INPP5A: variants seen among roughly 807,000 people sequenced by gnomAD.
INPP5A encodes the protein 43 kDa inositol polyphosphate 5-phophatase.
INPP5A carries 14 observed loss-of-function variants against 65.2 expected under a neutral mutation model. The observed-to-expected ratio is 0.21, with a 90% CI of 0.14 to 0.34. INPP5A has a LOEUF of 0.34. INPP5A is among the 10% of genes least tolerant of loss of function. The pLI is 1.00. For missense variants in INPP5A, 431 were observed against 545.6 expected, an observed-to-expected ratio of 0.79 and a Z score of 2.09; for synonymous variants, 207 against 208.3, an observed-to-expected ratio of 0.99 and a Z score of 0.05.
rs1846443232 is a variant in INPP5A, at chr10:132,749,898, C to G, written c.903+53C>G. The G allele has an allele frequency of 1.2e-5, 18 of 1,462,164 alleles. No homozygotes were observed. In the South Asian group the frequency reaches 2.0e-4, roughly 17 times the overall value. 90.6% of individuals were successfully genotyped at this position (1,462,164 alleles called of 1,614,324 possible). On this transcript the variant is annotated intron_variant, in intron 11 of 15. Transcript: ENST00000368594. ...CCCCCGTCCTGGGACATCCACGCCC[C>G]CAGGCCTTCCCATTACCTCTGCTTA...
chr10:132,719,393 C>T (rs1202445895), intron 8 of INPP5A, among the ~76,000 whole-genome samples: 1 of 148,318 alleles, frequency 6.7e-6, no homozygotes, highest in East Asian at 2.0e-4. Context: ...TTCTGTGGTA[C>T]CTGGGTTCTG....
intron 1 of INPP5A, among the ~76,000 whole-genome samples, chr10:132,568,217 G>T (rs1307258622): frequency 1.3e-5 from 2 of 150,762 alleles, no homozygotes; most frequent in African/African-American, 2.4e-5. Context: ...AAAAAAATTG[G>T]CTGAAACACC....
At chr10:132,760,082 C>T (rs762844574) in intron 11 of INPP5A, among the ~76,000 whole-genome samples, 3 of 152,244 alleles carry the variant, frequency 2.0e-5, no homozygotes, top group Admixed American at 6.5e-5. Flanking sequence ...GTGCTCTGCT[C>T]TCTGAAGCTA....
At chr10:132,720,589 C>T (rs1467130625) in intron 8 of INPP5A, among the ~76,000 whole-genome samples, 1 of 149,152 alleles carries the variant, frequency 6.7e-6, no homozygotes, top group African/African-American at 2.5e-5. Flanking sequence ...TCTGTCTGGG[C>T]ACCTTAGACG....
At chr10:132,772,694 G>A (rs866785831) in intron 12 of INPP5A, among the ~76,000 whole-genome samples, 11 of 81,700 alleles carry the variant, frequency 1.3e-4, no homozygotes, top group Admixed American at 4.5e-4. Context: ...AGAGTGGGAC[G>A]GACACTCAGC....
At position 132,704,982 on chromosome 10, in the gene INPP5A, A is replaced by G. The variant is rs911746445; in HGVS notation, c.475-3331A>G. 4.0e-5 allele frequency among the ~76,000 whole-genome samples: 6 copies of G among 150,834 alleles called. No homozygotes were observed. Among genetic ancestry groups the G allele is most frequent in the East Asian group, 2.0e-4 (1 of 5,062 alleles). ...AAGGGCGTCTGGACAGGCGGCAGGCAGCTCCTCTGGAGTGTGGAGGATGGA... is the reference window on the plus strand; with the variant it reads ...AAGGGCGTCTGGACAGGCGGCAGGCGGCTCCTCTGGAGTGTGGAGGATGGA... On this transcript the variant is annotated intron_variant, in intron 6 of 15. Coordinates refer to ENST00000368594, the MANE Select transcript of INPP5A (RefSeq NM_005539.5). This position sits in a 1 kb window ranked among gnomAD's most constrained non-coding sequence, Gnocchi z 4.5.
At chr10:132,632,019 C>T (rs558019471) in intron 2 of INPP5A, among the ~76,000 whole-genome samples, 14 of 152,334 alleles carry the variant, frequency 9.2e-5, no homozygotes, top group South Asian at 2.1e-4. Context: ...AGCTCAGACT[C>T]GTGGGTGGAG....
rs539112759 is a variant in INPP5A, at chr10:132,783,381, C to G, written c.*1352C>G. ...GGTTGCCGCTGTCCGCGGTTCAACA[C>G]GGAGTCCGCCCCGCGGGTTTCAGCT... On this transcript the variant is annotated 3_prime_UTR_variant, in exon 16 of 16. Transcript: ENST00000368594. The G allele has an allele frequency of 1.7e-4, 26 of 152,488 alleles. No homozygotes were observed. Among genetic ancestry groups the G allele is most frequent in the African/African-American group, 5.5e-4 (23 of 41,572 alleles). 9.4% of individuals were successfully genotyped at this position (152,488 alleles called of 1,614,324 possible). A position where few individuals can be genotyped will look rare whatever the true frequency, so the allele number is the denominator to read the frequency against.
chr10:132,660,481 G>T (rs902913410), intron 4 of INPP5A, among the ~76,000 whole-genome samples: 1 of 152,200 alleles, frequency 6.6e-6, no homozygotes, highest in South Asian at 2.1e-4. Flanking sequence ...GACTCCTTCT[G>T]TTGATGGTGA....
intron 4 of INPP5A, among the ~76,000 whole-genome samples, chr10:132,673,301 C>G (rs2072917897): frequency 6.6e-6 from 1 of 152,208 alleles, no homozygotes; most frequent in Non-Finnish European, 1.5e-5. Flanking sequence ...GTTGCAGGAA[C>G]AGGAAGCAAA....
intron 1 of INPP5A, among the ~76,000 whole-genome samples, chr10:132,606,792 G>T (rs1295217509): frequency 1.3e-5 from 2 of 152,236 alleles, no homozygotes; most frequent in Admixed American, 1.3e-4. Flanking sequence ...AGGGGCTTTA[G>T]TCCCGATGGG....
intron 2 of INPP5A, among the ~76,000 whole-genome samples, chr10:132,619,619 C>T (rs2072085552): frequency 6.6e-6 from 1 of 152,206 alleles, no homozygotes; most frequent in Non-Finnish European, 1.5e-5. Flanking sequence ...TTGACACTGC[C>T]CCTATAGAGG....
chr10:132,746,956 G>A (rs1268809638), intron 9 of INPP5A, among the ~76,000 whole-genome samples: 1 of 152,240 alleles, frequency 6.6e-6, no homozygotes, highest in Non-Finnish European at 1.5e-5. Context: ...CAGCTCTGGG[G>A]AGGGGTTTGG....
chr10:132,649,454 GTT>G (rs1564948888), intron 3 of INPP5A, among the ~76,000 whole-genome samples: 1 of 152,228 alleles, frequency 6.6e-6, no homozygotes, highest in Non-Finnish European at 1.5e-5. Flanking sequence ...CATTGCGAAT[GTT>G]ACGTTGTTTA....
Position 132,607,896 on chromosome 10 carries a change from T to C in INPP5A, c.76-19T>C, listed in dbSNP as rs752015579. ...TGCCATTGGTCTGACTGGCTTTTCTTTTTCTTCTTAATTTACAGCCAGAAA... is the reference window on the plus strand; with the variant it reads ...TGCCATTGGTCTGACTGGCTTTTCTCTTTCTTCTTAATTTACAGCCAGAAA... On this transcript the variant is annotated intron_variant, in intron 1 of 15. Coordinates refer to ENST00000368594, the MANE Select transcript of INPP5A (RefSeq NM_005539.5). The C allele has an allele frequency of 6.2e-7, 1 of 1,605,916 alleles. No individual in the cohort carries two copies. Among genetic ancestry groups the C allele is most frequent in the Non-Finnish European group, 8.5e-7 (1 of 1,179,696 alleles).
chr10:132,766,989 G>A (rs1172080375), intron 12 of INPP5A, among the ~76,000 whole-genome samples: 14 of 146,952 alleles, frequency 9.5e-5, no homozygotes, highest in African/African-American at 3.6e-4. Context: ...AGCTTGGGTG[G>A]GAGCTGGAGG....
At chr10:132,660,174 G>C (rs753918347) in intron 4 of INPP5A, among the ~76,000 whole-genome samples, 50 of 152,362 alleles carry the variant, frequency 3.3e-4, no homozygotes, top group Admixed American at 9.8e-4. Flanking sequence ...GAGTGTGTGT[G>C]TGATATTGAG....
At chr10:132,728,259 A>G (rs1846019949) in intron 9 of INPP5A, among the ~76,000 whole-genome samples, 1 of 152,230 alleles carries the variant, frequency 6.6e-6, no homozygotes, top group Admixed American at 6.5e-5. Flanking sequence ...TAAAGCACAC[A>G]TCCCCCAGCA....
rs1226198503 is a variant in INPP5A, at chr10:132,644,639, C to A, written c.118-1229C>A. ...ACAGCACCGGCCCCTTCTCTCCCCG[C>A]CTTTCCGCTCCTCCAAGGAAGCTCG... On this transcript the variant is annotated intron_variant, in intron 2 of 15. Coordinates refer to ENST00000368594, the MANE Select transcript of INPP5A (RefSeq NM_005539.5). The surrounding 1 kb of genome is among the most constrained non-coding windows in gnomAD (Gnocchi z 6.5). Among the ~76,000 whole-genome samples, 3 of 152,250 alleles carry A rather than the reference C, an allele frequency of 2.0e-5. No homozygotes were observed. Among genetic ancestry groups the A allele is most frequent in the Admixed American group, 6.5e-5 (1 of 15,290 alleles).
Sources: gnomAD v4.1 joint callset for allele counts (sites outside exome capture counted in the v4.1 genomes callset) on GRCh38, gnomAD v4.1.1 for gene constraint, Gnocchi (gnomAD v3.1) non-coding constraint, MANE v1.5 for transcripts, NCBI Gene and HGNC (gene_info 2026-07-23, HGNC 2026-07-21) for gene names.